Variants in NAV2 observed in about 807,000 individuals in gnomAD.
NAV2 encodes the protein helicase, APC down-regulated 1.
In NAV2, 54 loss-of-function variants were observed where a neutral mutation model predicts 223.2. That is an observed-to-expected ratio of 0.24 (90% confidence interval 0.19 to 0.30). The LOEUF is 0.30. Ranked by LOEUF, NAV2 falls within the 10% of genes least tolerant of loss-of-function variation. The pLI, the probability that NAV2 is intolerant of heterozygous loss-of-function variation, is 1.00. For missense variants in NAV2, 2,806 were observed against 3,147.5 expected, an observed-to-expected ratio of 0.89 and a Z score of 2.60; for synonymous variants, 1,279 against 1,239.3, an observed-to-expected ratio of 1.03 and a Z score of -0.67.
chr11:19,859,137 C>CTCT (rs1467179579), intron 3 of NAV2, among the ~76,000 whole-genome samples: 2 of 107,108 alleles, frequency 1.9e-5, no homozygotes, highest in African/African-American at 6.8e-5. Context: ...ATCATATTCT[C>CTCT]TTTTTTTTTT....
chr11:19,511,992 G>A (rs887954425), intron 1 of NAV2, among the ~76,000 whole-genome samples: 2 of 152,134 alleles, frequency 1.3e-5, no homozygotes, highest in African/African-American at 4.8e-5. Context: ...TGGGGGCTGT[G>A]GCCAGAATTC....
rs1294673722 is a variant in NAV2 at position 19,713,211 on chromosome 11, T to G, written c.-485T>G. On this transcript the variant is annotated 5_prime_UTR_variant, in exon 1 of 38. Transcript: ENST00000349880. The surrounding 1 kb of genome is among the most constrained non-coding windows in gnomAD (Gnocchi z 7.2). ...CTTCCTTCGCTGCTGTCTCCTTTCC[T>G]TCCTTGGCTGCTCGCTCTTTCTCTC... The G allele has an allele frequency of 1.5e-6, 1 of 658,430 alleles. No individual in the cohort carries two copies. Among genetic ancestry groups the G allele is most frequent in the Non-Finnish European group, 1.9e-6 (1 of 530,940 alleles). 40.8% of individuals were successfully genotyped at this position (658,430 alleles called of 1,614,324 possible).
Position 20,022,022 on chromosome 11 carries a change from C to T in NAV2, c.2769-13937C>T, listed in dbSNP as rs190508315. 2.7e-4 allele frequency among the ~76,000 whole-genome samples: 41 copies of T among 152,348 alleles called. 1 individual carries two copies. In the East Asian group the frequency reaches 7.3e-3, roughly 27 times the overall value. On this transcript the variant is annotated intron_variant, in intron 11 of 37. Coordinates refer to ENST00000349880, the MANE Select transcript of NAV2 (RefSeq NM_145117.5). Reference sequence around the variant, plus strand: ...ATCCCCCAGGGCCACAACCCCCGCTCCCTGCTTCCACTGGAGAGGCCACCC... The same window carrying T: ...ATCCCCCAGGGCCACAACCCCCGCTTCCTGCTTCCACTGGAGAGGCCACCC...
chr11:19,414,797 A>G (rs966567931), intron 1 of NAV2, among the ~76,000 whole-genome samples: 1 of 152,254 alleles, frequency 6.6e-6, no homozygotes, highest in Non-Finnish European at 1.5e-5. Context: ...AAACTCAATC[A>G]AAACTGCACA....
chr11:20,106,183 G>GTGTGTGTGTGTGTGTGTGTA (rs1394737236), intron 35 of NAV2, among the ~76,000 whole-genome samples: 5 of 25,528 alleles, frequency 2.0e-4, no homozygotes, highest in Non-Finnish European at 3.8e-4. Flanking sequence ...ATATGTGTGT[G>GTGTGTGTGTGTGTGTGTGTA]TATATATATA....
chr11:20,107,247 T>TG (rs199638806), intron 35 of NAV2: 9,377 of 150,022 alleles, frequency 0.063, 347 homozygotes, highest in Non-Finnish European at 0.075. Flanking sequence ...CTGGCTAGTT[T>TG]TTTTTTTTTT....
At chr11:19,602,485 C>T (rs1048999455) in intron 1 of NAV2, among the ~76,000 whole-genome samples, 4 of 152,014 alleles carry the variant, frequency 2.6e-5, no homozygotes, top group Non-Finnish European at 4.4e-5. Flanking sequence ...CACTTCTCTG[C>T]AAGTCTTGAA....
intron 1 of NAV2, among the ~76,000 whole-genome samples, chr11:19,439,728 T>TA: frequency 6.6e-6 from 1 of 152,270 alleles, no homozygotes; most frequent in Admixed American, 6.5e-5. Context: ...ACACTGTGAC[T>TA]GATGCAATTT....
At chr11:20,027,317 C>G in intron 11 of NAV2, 2 of 985,468 alleles carry the variant, frequency 2.0e-6, no homozygotes, top group Non-Finnish European at 2.4e-6. Context: ...CGGGGTTTCA[C>G]GGGAACAATT....
At chr11:20,027,338 A>G (rs572176847) in intron 11 of NAV2, 39 of 985,518 alleles carry the variant, frequency 4.0e-5, no homozygotes, top group African/African-American at 2.3e-4. Context: ...GCCTTGAACA[A>G]TAGCCAGAAA....
Position 19,354,527 on chromosome 11 carries a change from G to A in NAV2, c.75+3500G>A, listed in dbSNP as rs569328343. ...CTATGCCTTAAAGAAAATTAATAGG[G>A]CAAAGTTGGTGTAGTGAGTGAGAGA... is the stretch of plus-strand genomic sequence containing the variant. On this transcript the variant is annotated intron_variant, in intron 1 of 37. Transcript: ENST00000360655. Among the ~76,000 whole-genome samples the A allele has an allele frequency of 9.4e-4, 143 of 152,310 alleles. 1 individual carries two copies. Among genetic ancestry groups the A allele is most frequent in the South Asian group, 2.5e-3 (12 of 4,826 alleles).
intron 1 of NAV2, among the ~76,000 whole-genome samples, chr11:19,730,301 T>C (rs2051639526): frequency 6.6e-6 from 1 of 152,144 alleles, no homozygotes; most frequent in African/African-American, 2.4e-5. Context: ...TTCAGTAACG[T>C]TGTGCTGCTG....
chr11:19,528,494 C>T (rs1411743389), intron 1 of NAV2, among the ~76,000 whole-genome samples: 2 of 152,190 alleles, frequency 1.3e-5, no homozygotes, highest in African/African-American at 2.4e-5. Context: ...CCCATCACCT[C>T]ACTGCCAAAA....
Position 19,846,112 on chromosome 11 carries a change from G to A in NAV2, c.438+3189G>A, listed in dbSNP as rs144192212. Reference sequence around the variant, plus strand: ...AACTTCTAAAGGGTGAGTCTTGAAAGGTCAGAGAGTTCACCACAAGAGATG... The same window carrying A: ...AACTTCTAAAGGGTGAGTCTTGAAAAGTCAGAGAGTTCACCACAAGAGATG... On this transcript the variant is annotated intron_variant, in intron 3 of 37. Coordinates refer to ENST00000349880, the MANE Select transcript of NAV2 (RefSeq NM_145117.5). 9.7e-3 allele frequency among the ~76,000 whole-genome samples: 1,474 copies of A among 152,290 alleles called. 25 individuals are homozygous for A. The highest frequency in any genetic ancestry group is 0.033 in the African/African-American group (1,381 of 41,550).
chr11:19,695,807 G>C (rs943826270), intron 1 of NAV2, among the ~76,000 whole-genome samples: 1 of 151,660 alleles, frequency 6.6e-6, no homozygotes, highest in Non-Finnish European at 1.5e-5. Context: ...AGGAGGCTGA[G>C]GCAGGAGAAT....
intron 1 of NAV2, chr11:19,511,273 C>T (rs965758067): frequency 3.3e-5 from 5 of 152,198 alleles, no homozygotes; most frequent in Admixed American, 6.5e-5. Flanking sequence ...GACAGGTAGC[C>T]CCAGTGGCAC....
rs553625701 is a variant in NAV2 at position 19,529,685 on chromosome 11, G to A, written c.75+178658G>A. Among the ~76,000 whole-genome samples the A allele has an allele frequency of 2.4e-3, 358 of 152,294 alleles. 2 individuals carry two copies. Among genetic ancestry groups the A allele is most frequent in the Admixed American group, 2.1e-3 (32 of 15,310 alleles). The stretch of plus-strand genomic sequence containing the variant: ...AGCACAGAGGTCCAGGGTTCCCCTT[G>A]GTGGCTGATGTGGGGTGGAAGTTGC... On this transcript the variant is annotated intron_variant, in intron 1 of 37. Transcript: ENST00000360655.
chr11:19,644,150 CA>C (rs1180900598), intron 1 of NAV2, among the ~76,000 whole-genome samples: 1 of 152,142 alleles, frequency 6.6e-6, no homozygotes, highest in Non-Finnish European at 1.5e-5. Flanking sequence ...ATGTACACAG[CA>C]GAAGCATGTA....
intron 11 of NAV2, among the ~76,000 whole-genome samples, chr11:20,021,999 C>T (rs536734008): frequency 6.6e-6 from 1 of 152,330 alleles, no homozygotes; most frequent in Admixed American, 6.5e-5. Flanking sequence ...CCCTAACCAT[C>T]CCCCAGGGCC....
Sources: allele counts gnomAD v4.1 joint callset (sites outside exome capture counted in the v4.1 genomes callset), GRCh38; gene constraint gnomAD v4.1.1; non-coding constraint Gnocchi (gnomAD v3.1); transcripts MANE v1.5; gene names NCBI Gene and HGNC (gene_info 2026-07-23, HGNC 2026-07-21).